The following ALK variants were observed in gnomAD, a reference collection of about 807,000 sequenced individuals.
The protein encoded by ALK is ALK receptor tyrosine kinase, also known as ALK tyrosine kinase receptor.
A neutral mutation model predicts 163.1 loss-of-function variants in ALK; 74 were observed. The ratio of observed to expected loss-of-function variants is 0.45; its 90% confidence interval spans 0.38 to 0.55. The LOEUF (loss-of-function observed/expected upper bound fraction) is 0.55, where lower values mean the gene tolerates loss of function less well. Ranked by LOEUF, ALK falls within the 20% of genes least tolerant of loss-of-function variation. ALK has a pLI of 0.00. For missense variants in ALK, 2,063 were observed against 2,105.3 expected (o/e 0.98, Z 0.39); for synonymous variants, 960 against 843.2 (o/e 1.14, Z -2.40).
chr2:29,589,034 C>G (rs528780644), intron 3 of ALK, among the ~76,000 whole-genome samples: 2 of 152,140 alleles, frequency 1.3e-5, no homozygotes, highest in South Asian at 4.2e-4. Context: ...ATTTATATAG[C>G]CTGAACACAC....
intron 8 of ALK, among the ~76,000 whole-genome samples, chr2:29,313,610 C>A (rs1025023612): frequency 4.6e-5 from 7 of 152,122 alleles, no homozygotes; most frequent in Non-Finnish European, 8.8e-5. Flanking sequence ...TCCAGCAGGG[C>A]AGTGTGACAG....
In ALK at chr2:29,524,147, G is replaced by A. The variant is rs77185231; in HGVS notation, c.1154+7768C>T. On this transcript the variant is annotated intron_variant, in intron 4 of 28. Coordinates refer to ENST00000389048, the MANE Select transcript of ALK (RefSeq NM_004304.5). Reference sequence around the variant, plus strand: ...TTTTAGACCCAGAGCTTAGGCTTTAGAAGAGGTGCATCCTAGAACTAGCTT... The same window carrying A: ...TTTTAGACCCAGAGCTTAGGCTTTAAAAGAGGTGCATCCTAGAACTAGCTT... 4.1e-4 allele frequency among the ~76,000 whole-genome samples: 63 copies of A among 152,266 alleles called. 1 individual carries two copies. The East Asian group carries it at 7.5e-3, about 18-fold the overall frequency.
Position 29,917,513 on chromosome 2 carries a change from C to T in ALK, c.667+2480G>A, listed in dbSNP as rs1382065366. On this transcript the variant is annotated intron_variant, in intron 1 of 28. Coordinates refer to ENST00000389048, the MANE Select transcript of ALK (RefSeq NM_004304.5). ...GAAAATGAACGGAACCATAATGATA[C>T]ATGTTGTCTGAAACACAGAACATGG... is the stretch of plus-strand genomic sequence containing the variant. Among the ~76,000 whole-genome samples the T allele has an allele frequency of 2.6e-5, 4 of 152,314 alleles. No individual in the cohort carries two copies. In the East Asian group the frequency reaches 7.7e-4, roughly 29 times the overall value.
chr2:29,578,483 A>C (rs573922353), intron 3 of ALK, among the ~76,000 whole-genome samples: 1 of 152,302 alleles, frequency 6.6e-6, no homozygotes, highest in South Asian at 2.1e-4. Context: ...CTGATGCCGA[A>C]AGGGTCTTTG....
intron 1 of ALK, among the ~76,000 whole-genome samples, chr2:29,878,271 G>A (rs993411470): frequency 3.9e-5 from 6 of 152,210 alleles, no homozygotes; most frequent in East Asian, 1.9e-4. Context: ...CACAGAAATC[G>A]AGAGAAAAAG....
At chr2:29,679,362 T>C (rs1210564159) in intron 3 of ALK, among the ~76,000 whole-genome samples, 2 of 151,916 alleles carry the variant, frequency 1.3e-5, no homozygotes, top group Admixed American at 1.3e-4. Context: ...CTTCCTTTTT[T>C]TTCAGCACTG....
chr2:29,479,484 T>G (rs1240420167), intron 4 of ALK, among the ~76,000 whole-genome samples: 1 of 152,228 alleles, frequency 6.6e-6, no homozygotes, highest in African/African-American at 2.4e-5. Flanking sequence ...CTAGAAAGCT[T>G]CTTTTCTCTT....
rs1385180881 is a variant in ALK, at chr2:29,222,330, C to G, written c.3515+14G>C. On this transcript the variant is annotated intron_variant, in intron 22 of 28. Transcript: ENST00000389048. ...GAGGGGAGTTGGGGTGAGGGTGTCT[C>G]TCTGTGGCTTTACCTGATGATCAGG... The G allele has an allele frequency of 1.9e-6, 3 of 1,613,646 alleles. No individual in the cohort carries two copies. Among genetic ancestry groups the G allele is most frequent in the Non-Finnish European group, 2.5e-6 (3 of 1,179,824 alleles).
chr2:29,793,694 T>TCAATGGG (rs1306060820), intron 1 of ALK, among the ~76,000 whole-genome samples: 1 of 152,222 alleles, frequency 6.6e-6, no homozygotes, highest in African/African-American at 2.4e-5. Context: ...AGGAGCATGG[T>TCAATGGG]CAATGGGCAG....
intron 9 of ALK, among the ~76,000 whole-genome samples, chr2:29,284,942 G>A (rs919273751): frequency 1.3e-5 from 2 of 152,160 alleles, no homozygotes; most frequent in African/African-American, 2.4e-5. Flanking sequence ...ACAGGCTGTC[G>A]ATGGACAGTG....
intron 5 of ALK, among the ~76,000 whole-genome samples, chr2:29,332,640 T>C (rs13019456): frequency 0.2 from 29,719 of 152,248 alleles, 3,484 homozygotes; most frequent in Middle Eastern, 0.3. Flanking sequence ...AGTTGTGTCA[T>C]ACATATAGGC....
At chr2:29,783,620 T>A (rs1366197742) in intron 1 of ALK, among the ~76,000 whole-genome samples, 4 of 152,168 alleles carry the variant, frequency 2.6e-5, no homozygotes, top group African/African-American at 9.7e-5. Context: ...AATAAGAGAA[T>A]TTTGTGAGAA....
chr2:29,437,724 C>T (rs1430406065), intron 4 of ALK, among the ~76,000 whole-genome samples: 1 of 152,136 alleles, frequency 6.6e-6, no homozygotes, highest in East Asian at 1.9e-4. Context: ...CCAACAAAGC[C>T]CAAATTCCAT....
chr2:29,634,040 T>TTA (rs1451305278), intron 3 of ALK, among the ~76,000 whole-genome samples: 3 of 152,258 alleles, frequency 2.0e-5, no homozygotes, highest in Non-Finnish European at 4.4e-5. Context: ...TCCATTTCAT[T>TTA]TATATATATT....
chr2:29,746,642 G>A (rs192445515), intron 1 of ALK, among the ~76,000 whole-genome samples: 2 of 152,328 alleles, frequency 1.3e-5, no homozygotes, highest in African/African-American at 4.8e-5. Flanking sequence ...AGGTAACTTA[G>A]AGAAAGGTTA....
chr2:29,391,209 A>G (rs1378425242), intron 4 of ALK, among the ~76,000 whole-genome samples: 1 of 151,524 alleles, frequency 6.6e-6, no homozygotes, highest in Admixed American at 6.6e-5. Context: ...GAGGCATAGA[A>G]GATGTTCCAA....
At chr2:29,277,519 T>C (rs1021845912) in intron 9 of ALK, among the ~76,000 whole-genome samples, 1 of 152,250 alleles carries the variant, frequency 6.6e-6, no homozygotes, top group African/African-American at 2.4e-5. Flanking sequence ...AAACAATCCT[T>C]TCTGTCTGAA....
At chr2:29,759,422 T>G (rs1680637809) in intron 1 of ALK, among the ~76,000 whole-genome samples, 1 of 152,102 alleles carries the variant, frequency 6.6e-6, no homozygotes, top group Non-Finnish European at 1.5e-5. Context: ...TGCAAGTGCA[T>G]GTGTGTGTGC....
intron 1 of ALK, among the ~76,000 whole-genome samples, chr2:29,887,106 A>G (rs1347718884): frequency 6.6e-6 from 1 of 152,196 alleles, no homozygotes. Flanking sequence ...CCCAAAATTT[A>G]GTGGTTTAAA....
Sources: allele counts gnomAD v4.1 joint callset (sites outside exome capture counted in the v4.1 genomes callset), GRCh38; gene constraint gnomAD v4.1.1; transcripts MANE v1.5; gene names NCBI Gene and HGNC (gene_info 2026-07-23, HGNC 2026-07-21).